Variants in RAG1 observed in about 807,000 individuals in gnomAD.
The protein encoded by RAG1 is V(D)J recombination-activating protein 1.
A neutral mutation model predicts 62.7 loss-of-function variants in RAG1; 35 were observed. The ratio of observed to expected loss-of-function variants is 0.56; its 90% CI spans 0.43 to 0.74. The LOEUF (loss-of-function observed/expected upper bound fraction) is 0.74, where lower values mean the gene tolerates loss of function less well. RAG1 is among the 30% of genes least tolerant of loss of function. The pLI, the probability that RAG1 is intolerant of heterozygous loss-of-function variation, is 0.00. For missense variants in RAG1, 1,169 were observed against 1,278.6 expected (o/e 0.91, Z 1.31); for synonymous variants, 461 against 470.3 (o/e 0.98, Z 0.26).
chr11:36,548,312 AT>A (rs896493332), intron 3 of RAG1, among the ~76,000 whole-genome samples: 4 of 152,142 alleles, frequency 2.6e-5, no homozygotes, highest in African/African-American at 9.7e-5. Context: ...GCGTATTCAG[AT>A]GGGAAGAGAG....
chr11:36,573,883 G>A lies in RAG1; in HGVS notation c.579G>A (p.Glu193=). 1 of 1,614,116 alleles carries A rather than the reference G, an allele frequency of 6.2e-7. No individual in the cohort carries two copies. Among genetic ancestry groups the A allele is most frequent in the Non-Finnish European group, 8.5e-7 (1 of 1,180,032 alleles). Residue 193 remains glutamate, a synonymous_variant, in exon 2 of 2, where the codon GAG becomes GAA. Coordinates refer to ENST00000299440, the MANE Select transcript of RAG1 (RefSeq NM_000448.3). ...MHRKFSSAPC[E]VYFPRNVTME... ...GGAAGTTTAGCAGTGCCCCATGTGA[G>A]GTTTACTTCCCGAGGAACGTGACCA...
At chr11:36,526,473 G>T (rs550896178) in intron 2 of RAG1, among the ~76,000 whole-genome samples, 1 of 152,134 alleles carries the variant, frequency 6.6e-6, no homozygotes, top group Admixed American at 6.5e-5. Context: ...TCTTTATCCA[G>T]TCTATCATTT....
intron 3 of RAG1, among the ~76,000 whole-genome samples, chr11:36,547,337 G>T (rs1206575896): frequency 6.6e-6 from 1 of 152,072 alleles, no homozygotes; most frequent in Non-Finnish European, 1.5e-5. Flanking sequence ...GAATCCAGAA[G>T]CTGGTTTTTT....
rs1463462189 is a variant in RAG1, at chr11:36,578,332, A to T, written c.*1896A>T. ...AAGTCATTTCTAATTTAGTTGTCAA[A>T]AACATATACATATTTTAACATTAGT... On this transcript the variant is annotated 3_prime_UTR_variant, in exon 2 of 2. Coordinates refer to ENST00000299440, the MANE Select transcript of RAG1 (RefSeq NM_000448.3). 6.0e-6 allele frequency: 1 copy of T among 166,798 alleles called. No individual in the cohort carries two copies. Among genetic ancestry groups the T allele is most frequent in the Non-Finnish European group, 1.5e-5 (1 of 68,112 alleles). 10.3% of individuals were successfully genotyped at this position (166,798 alleles called of 1,614,324 possible).
At chr11:36,531,672 C>G (rs542763278) in intron 2 of RAG1, among the ~76,000 whole-genome samples, 115 of 151,886 alleles carry the variant, frequency 7.6e-4, no homozygotes, top group Non-Finnish European at 9.1e-4. Flanking sequence ...TTAGAAAACG[C>G]AAGAGGAGAA....
Position 36,576,190 on chromosome 11 carries a change from G to T in RAG1, c.2886G>T (p.Glu962Asp), listed in dbSNP as rs758607380. ...RDGSIGAWAS[E>D]GNESGNKLFR... ...GCTCCATTGGGGCATGGGCAAGTGA[G>T]GGAAATGAGTCTGGTAACAAACTGT... Residue 962 changes from glutamate to aspartate, a missense_variant, in exon 2 of 2, where the codon GAG becomes GAT. This residue lies in a region of RAG1 where 800 missense variants were observed against 943.3 expected (regional missense o/e 0.85). Coordinates refer to ENST00000299440, the MANE Select transcript of RAG1 (RefSeq NM_000448.3). The T allele has an allele frequency of 8.1e-6, 13 of 1,614,004 alleles. No individual in the cohort carries two copies. The highest frequency in any genetic ancestry group is 1.3e-5 in the African/African-American group (1 of 74,914).
intron 3 of RAG1, among the ~76,000 whole-genome samples, chr11:36,558,321 G>T (rs1241536960): frequency 1.3e-5 from 2 of 152,070 alleles, no homozygotes; most frequent in Non-Finnish European, 2.9e-5. Flanking sequence ...ATCCAGTTTT[G>T]GTTGATTTTC....
At chr11:36,552,102 A>AAATC (rs1850496255) in intron 3 of RAG1, among the ~76,000 whole-genome samples, 1 of 5,634 alleles carries the variant, frequency 1.8e-4, no homozygotes. Context: ...CATGATTTAT[A>AAATC]CTCATTTGGG....
intron 1 of RAG1, among the ~76,000 whole-genome samples, chr11:36,569,861 C>T (rs745351061): frequency 1.9e-4 from 29 of 152,196 alleles, no homozygotes; most frequent in Non-Finnish European, 2.6e-4. Context: ...CAAATACAAA[C>T]GTATCTACAT....
intron 3 of RAG1, among the ~76,000 whole-genome samples, chr11:36,557,613 A>G (rs1449391434): frequency 6.6e-6 from 1 of 152,104 alleles, no homozygotes; most frequent in African/African-American, 2.4e-5. Context: ...AGCTGTTCCT[A>G]TTCGGCCATC....
intron 3 of RAG1, among the ~76,000 whole-genome samples, chr11:36,558,889 A>T (rs1396840298): frequency 6.6e-6 from 1 of 152,070 alleles, no homozygotes; most frequent in South Asian, 2.1e-4. Flanking sequence ...GCTTGGTGAC[A>T]AATTTTAGTT....
intron 2 of RAG1, among the ~76,000 whole-genome samples, chr11:36,523,823 C>A (rs1395939835): frequency 6.6e-6 from 1 of 152,196 alleles, no homozygotes; most frequent in Admixed American, 6.5e-5. Flanking sequence ...TTATGCTTTA[C>A]TCGGTTTCTA....
intron 3 of RAG1, among the ~76,000 whole-genome samples, chr11:36,550,430 A>C (rs1391740633): frequency 6.6e-6 from 1 of 152,082 alleles, no homozygotes; most frequent in East Asian, 1.9e-4. Flanking sequence ...CATACCATGG[A>C]TTGACCTGAA....
intron 3 of RAG1, among the ~76,000 whole-genome samples, chr11:36,560,279 T>C (rs1217495767): frequency 1.3e-5 from 2 of 152,130 alleles, no homozygotes; most frequent in African/African-American, 2.4e-5. Flanking sequence ...TGGCAAGCAT[T>C]GGGTGATCAG....
chr11:36,542,516 G>A (rs1850320838), intron 3 of RAG1, among the ~76,000 whole-genome samples: 1 of 152,192 alleles, frequency 6.6e-6, no homozygotes, highest in South Asian at 2.1e-4. Context: ...AGATGCCCAA[G>A]AGGAAGAGGG....
intron 1 of RAG1, among the ~76,000 whole-genome samples, chr11:36,571,875 C>T (rs1850752085): frequency 6.6e-6 from 1 of 152,174 alleles, no homozygotes. Context: ...GCCTTGACCT[C>T]CCAAAGTGTT....
rs1801203 is a variant in RAG1, at chr11:36,573,771, C to T, written c.467C>T (p.Ala156Val). Residue 156 changes from alanine to valine, a missense_variant, in exon 2 of 2, where the codon GCC becomes GTC. Ala to Val is a moderately conservative substitution (Grantham distance 64). Coordinates refer to ENST00000299440, the MANE Select transcript of RAG1 (RefSeq NM_000448.3). ...GCTACTTCCTGGCCGGACCTCATTG[C>T]CAAGGTTTTCCGGATCGATGTGAAG... ...KRATSWPDLI[A>V]KVFRIDVKAD... The T allele has an allele frequency of 8.7e-6, 14 of 1,613,978 alleles. No homozygotes were observed. Among genetic ancestry groups the T allele is most frequent in the Non-Finnish European group, 1.1e-5 (13 of 1,180,034 alleles).
Position 36,574,547 on chromosome 11 carries a change from A to C in RAG1, c.1243A>C (p.Lys415Gln). The C allele has an allele frequency of 6.2e-7, 1 of 1,614,280 alleles. No individual in the cohort carries two copies. Among genetic ancestry groups the C allele is most frequent in the Non-Finnish European group, 8.5e-7 (1 of 1,180,054 alleles). Residue 415 changes from lysine (K) to glutamine (Q), a missense_variant, in exon 2 of 2, where the codon AAG (lysine) becomes CAG (glutamine). Transcript: ENST00000299440. Reference sequence around the variant, plus strand: ...TCAGAAGCACCGGCTGAGGGAGCTCAAGCTGCAAGTCAAAGCCTTTGCTGA... The same window carrying C: ...TCAGAAGCACCGGCTGAGGGAGCTCCAGCTGCAAGTCAAAGCCTTTGCTGA... The part of the protein sequence containing the change: ...RAQKHRLREL[K>Q]LQVKAFADKE...
chr11:36,573,894 C>T lies in RAG1; in HGVS notation c.590C>T (p.Pro197Leu), dbSNP rs563167039. 33 of 1,614,064 alleles carry T rather than the reference C, an allele frequency of 2.0e-5. No homozygotes were observed. Among genetic ancestry groups the T allele is most frequent in the South Asian group, 1.8e-4 (16 of 91,076 alleles). ...FSSAPCEVYF[P>L]RNVTMEWHPH... ...AGTGCCCCATGTGAGGTTTACTTCC[C>T]GAGGAACGTGACCATGGAGTGGCAC... Residue 197 changes from proline to leucine, a missense_variant, in exon 2 of 2, where the codon CCG becomes CTG. Physicochemically the swap from Pro to Leu is moderately conservative, Grantham distance 98. Coordinates refer to ENST00000299440, the MANE Select transcript of RAG1 (RefSeq NM_000448.3).
Sources: allele counts gnomAD v4.1 joint callset (sites outside exome capture counted in the v4.1 genomes callset), GRCh38; gene constraint gnomAD v4.1.1; regional missense constraint gnomAD v4.1.1; transcripts MANE v1.5; gene names NCBI Gene and HGNC (gene_info 2026-07-23, HGNC 2026-07-21).